CEMIP: variants seen among roughly 807,000 people sequenced by gnomAD.
The protein encoded by CEMIP is cell migration inducing hyaluronidase 1, also known as cell migration-inducing and hyaluronan-binding protein.
In CEMIP, 105 loss-of-function variants were observed where a neutral mutation model predicts 156.9. The ratio of observed to expected loss-of-function variants is 0.67; its 90% confidence interval spans 0.57 to 0.79. The LOEUF is 0.79. Among genes scored for constraint, CEMIP ranks in the 30% least tolerant of loss-of-function variants. The probability of loss-of-function intolerance (pLI) is 0.00; values close to 1 mark genes in which losing one functional copy is unlikely to be tolerated. For synonymous variants in CEMIP, 676 were observed against 668.4 expected (o/e 1.01, Z -0.17); for missense variants, 1,457 against 1,769.4 (o/e 0.82, Z 3.17).
At chr15:80,843,293 A>G (rs559670740) in intron 1 of CEMIP, among the ~76,000 whole-genome samples, 113 of 152,370 alleles carry the variant, frequency 7.4e-4, no homozygotes, top group Non-Finnish European at 1.4e-3. Flanking sequence ...TCCAGAGCCC[A>G]TCTTCTTGCC....
At chr15:80,913,418 CCTAA>C (rs1444614677) in intron 14 of CEMIP, among the ~76,000 whole-genome samples, 1 of 151,008 alleles carries the variant, frequency 6.6e-6, no homozygotes, top group South Asian at 2.1e-4. Context: ...TCATTCAACT[CCTAA>C]CTCTTTCTTG....
chr15:80,838,076 C>T (rs897190607), intron 1 of CEMIP, among the ~76,000 whole-genome samples: 2 of 152,194 alleles, frequency 1.3e-5, no homozygotes, highest in African/African-American at 4.8e-5. Context: ...GTTCCCTGCC[C>T]CAGACTCTCT....
intron 6 of CEMIP, among the ~76,000 whole-genome samples, chr15:80,882,097 C>T (rs918545373): frequency 3.9e-5 from 6 of 152,126 alleles, no homozygotes; most frequent in Non-Finnish European, 7.4e-5. Flanking sequence ...GAACAGGGCC[C>T]GAGCTGTGGG....
chr15:80,947,828 T>A (rs563599611), intron 29 of CEMIP: 1 of 152,420 alleles, frequency 6.6e-6, no homozygotes, highest in South Asian at 2.1e-4. Flanking sequence ...TTATTTCCAT[T>A]TAAGATGAGG....
intron 12 of CEMIP, among the ~76,000 whole-genome samples, chr15:80,903,412 T>C (rs1459730753): frequency 6.6e-6 from 1 of 152,004 alleles, no homozygotes; most frequent in Non-Finnish European, 1.5e-5. Flanking sequence ...TGGAGCTAAG[T>C]GGGACAAAGT....
intron 1 of CEMIP, among the ~76,000 whole-genome samples, chr15:80,799,626 T>G (rs1168801739): frequency 1.3e-5 from 2 of 152,242 alleles, no homozygotes; most frequent in African/African-American, 4.8e-5. Context: ...CACTTATATT[T>G]TTATTACAGT....
At chr15:80,814,823 G>A (rs1200376583) in intron 1 of CEMIP, among the ~76,000 whole-genome samples, 1 of 152,158 alleles carries the variant, frequency 6.6e-6, no homozygotes, top group African/African-American at 2.4e-5. Flanking sequence ...TCCTCCCCAT[G>A]CAGACTTAAA....
intron 1 of CEMIP, among the ~76,000 whole-genome samples, chr15:80,811,374 T>C (rs1896668347): frequency 6.6e-6 from 1 of 152,190 alleles, no homozygotes; most frequent in Admixed American, 6.5e-5. Context: ...GTGTGACTGA[T>C]GTACTGTAGA....
intron 12 of CEMIP, among the ~76,000 whole-genome samples, chr15:80,898,857 C>T (rs1899340592): frequency 6.6e-6 from 1 of 152,188 alleles, no homozygotes; most frequent in South Asian, 2.1e-4. Flanking sequence ...GGTGGCCTTG[C>T]CCCACCTTTC....
chr15:80,822,224 C>T (rs890641911), intron 1 of CEMIP, among the ~76,000 whole-genome samples: 4 of 152,302 alleles, frequency 2.6e-5, no homozygotes, highest in African/African-American at 9.6e-5. Context: ...CAGTGCCGAG[C>T]CCAGAGCCTG....
chr15:80,811,992 C>A (rs562734071), intron 1 of CEMIP, among the ~76,000 whole-genome samples: 1 of 152,154 alleles, frequency 6.6e-6, no homozygotes, highest in Admixed American at 6.5e-5. Context: ...TTTGACTCCA[C>A]GTCCCGGTTT....
chr15:80,869,520 T>C (rs1190172359), intron 1 of CEMIP, among the ~76,000 whole-genome samples: 1 of 152,214 alleles, frequency 6.6e-6, no homozygotes, highest in Non-Finnish European at 1.5e-5. Context: ...CCCTTGAACT[T>C]TGCTAAGTGA....
chr15:80,813,376 G>A (rs1323066188), intron 1 of CEMIP, among the ~76,000 whole-genome samples: 1 of 144,884 alleles, frequency 6.9e-6, no homozygotes, highest in African/African-American at 2.6e-5. Flanking sequence ...TTTTGACGGA[G>A]TCTCACTCTG....
intron 13 of CEMIP, among the ~76,000 whole-genome samples, chr15:80,907,662 G>A (rs1322872485): frequency 6.6e-6 from 1 of 152,206 alleles, no homozygotes; most frequent in Non-Finnish European, 1.5e-5. Flanking sequence ...GTGAGCTGCA[G>A]GGTTCTTACC....
chr15:80,889,556 C>T lies in CEMIP; in HGVS notation c.1050C>T (p.His350=). 6.2e-6 allele frequency: 10 copies of T among 1,614,128 alleles called. No homozygotes were observed. Among genetic ancestry groups the T allele is most frequent in the Non-Finnish European group, 8.5e-6 (10 of 1,180,008 alleles). ...GEKISDLWKA[H]PGKICNRPID... ...AAATTTCAGACCTCTGGAAAGCTCA[C>T]CCAGGAAAAATATGCAATCGTCCCA... The change falls in exon 10 of 30, where the codon CAC becomes CAT. Residue 350 remains histidine, a synonymous_variant. Transcript: ENST00000394685.
intron 1 of CEMIP, among the ~76,000 whole-genome samples, chr15:80,782,428 A>G (rs1953845789): frequency 6.6e-6 from 1 of 152,172 alleles, no homozygotes. Flanking sequence ...TGACCAAGAT[A>G]CTTGCTCTGC....
chr15:80,895,706 A>C (rs1232080651), intron 11 of CEMIP, among the ~76,000 whole-genome samples, 163 bp from the exon 12 acceptor site: 1 of 152,180 alleles, frequency 6.6e-6, no homozygotes, highest in Non-Finnish European at 1.5e-5. Context: ...TGTTGACTTC[A>C]AAAACCTTTA....
intron 1 of CEMIP, among the ~76,000 whole-genome samples, chr15:80,809,612 G>T (rs1896607789): frequency 6.6e-6 from 1 of 152,196 alleles, no homozygotes; most frequent in Admixed American, 6.5e-5. Context: ...GAGTGACAGG[G>T]TTCTCTACCC....
At chr15:80,914,845 G>GT (rs56231929) in intron 14 of CEMIP, among the ~76,000 whole-genome samples, 1 of 151,770 alleles carries the variant, frequency 6.6e-6, no homozygotes, top group African/African-American at 2.4e-5. Context: ...GGAGACCGGA[G>GT]TTTTTTTTAT....
Sources: allele counts gnomAD v4.1 joint callset (sites outside exome capture counted in the v4.1 genomes callset), GRCh38; gene constraint gnomAD v4.1.1; transcripts MANE v1.5; gene names NCBI Gene and HGNC (gene_info 2026-07-23, HGNC 2026-07-21).